The following PDS5A variants were observed in gnomAD, a reference collection of about 807,000 sequenced individuals.
PDS5A encodes the protein PDS5 cohesin associated factor A, also known as sister chromatid cohesion protein PDS5 homolog A.
In PDS5A, 42 loss-of-function variants were observed where a neutral mutation model predicts 167.1. That is an observed-to-expected ratio of 0.25 (90% CI 0.20 to 0.33). PDS5A has a LOEUF of 0.33. Ranked by LOEUF, PDS5A falls within the 10% of genes least tolerant of loss-of-function variation. The pLI, the probability that PDS5A is intolerant of heterozygous loss-of-function variation, is 1.00. For missense variants in PDS5A, 1,033 were observed against 1,605.9 expected (o/e 0.64, Z 6.10); for synonymous variants, 553 against 554.6 (o/e 1.00, Z 0.04).
At chr4:39,923,781 T>G (rs145553817) in intron 5 of PDS5A, among the ~76,000 whole-genome samples, 3 of 152,168 alleles carry the variant, frequency 2.0e-5, no homozygotes, top group Admixed American at 6.5e-5. Context: ...AGGCAGACAT[T>G]TTTTTCAACT....
At position 39,968,427 on chromosome 4, in the gene PDS5A, A is replaced by T. The variant is rs1730190602; in HGVS notation, c.138+8013T>A. 3.4e-5 allele frequency among the ~76,000 whole-genome samples: 5 copies of T among 148,684 alleles called. No individual in the cohort carries two copies. In the South Asian group the frequency reaches 8.5e-4, roughly 25 times the overall value. ...ATGGTGCTTAGATTACTTAATTATA[A>T]TATTAATTTTTTTTTTTTTTTTGAG... is the stretch of plus-strand genomic sequence containing the variant. On this transcript the variant is annotated intron_variant, in intron 2 of 32. Coordinates refer to ENST00000303538, the MANE Select transcript of PDS5A (RefSeq NM_001100399.2).
At chr4:39,947,136 G>A (rs918690577) in intron 2 of PDS5A, among the ~76,000 whole-genome samples, 1 of 151,946 alleles carries the variant, frequency 6.6e-6, no homozygotes, top group African/African-American at 2.4e-5. Flanking sequence ...CTATACACTT[G>A]GAATGAATAA....
At chr4:39,943,259 TTTCA>T (rs780891151) in intron 2 of PDS5A, among the ~76,000 whole-genome samples, 31 of 152,016 alleles carry the variant, frequency 2.0e-4, no homozygotes, top group Non-Finnish European at 3.7e-4. Flanking sequence ...TTTCTTTCAA[TTTCA>T]TTCAATTTCA....
At chr4:39,958,767 CCTGA>C (rs1304197149) in intron 2 of PDS5A, among the ~76,000 whole-genome samples, 1 of 151,888 alleles carries the variant, frequency 6.6e-6, no homozygotes, top group African/African-American at 2.4e-5. Context: ...CATCACCACC[CCTGA>C]CTAATTTTTG....
chr4:39,851,055 A>C (rs1035021713), intron 26 of PDS5A, among the ~76,000 whole-genome samples: 1 of 152,216 alleles, frequency 6.6e-6, no homozygotes, highest in Non-Finnish European at 1.5e-5. Flanking sequence ...GGTTGTTTCA[A>C]TAATATTTAT....
chr4:39,972,515 G>A (rs1413696076), intron 2 of PDS5A, among the ~76,000 whole-genome samples: 2 of 151,930 alleles, frequency 1.3e-5, no homozygotes, highest in Non-Finnish European at 2.9e-5. Context: ...GCGAGACTCC[G>A]TCTCAAAAAA....
At chr4:39,901,082 C>T (rs1048343860) in intron 13 of PDS5A, among the ~76,000 whole-genome samples, 3 of 152,082 alleles carry the variant, frequency 2.0e-5, no homozygotes, top group African/African-American at 7.2e-5. Flanking sequence ...CTCAGAAATC[C>T]CATCCATATT....
chr4:39,865,329 C>T (rs533815369), intron 23 of PDS5A, among the ~76,000 whole-genome samples: 1 of 152,104 alleles, frequency 6.6e-6, no homozygotes, highest in East Asian at 1.9e-4. Context: ...TAATTACCCC[C>T]AATTTAAAGC....
chr4:39,869,358 T>C (rs760456862), intron 22 of PDS5A, 36 bp downstream of exon 22: 25 of 1,232,664 alleles, frequency 2.0e-5, no homozygotes, highest in Non-Finnish European at 2.9e-5. Flanking sequence ...GTCCCTTTTT[T>C]AAACATGAAG....
In PDS5A at chr4:39,823,071, CTTG is replaced by C. The variant is rs554567330; in HGVS notation, c.*2411_*2413del. ...TATCAAAGGAGATACAAAATTCTGG[CTTG>C]TTGTTTTAGACAAATACAAGAAGCT... On this transcript the variant is annotated 3_prime_UTR_variant, in exon 33 of 33. Transcript: ENST00000303538. The C allele has an allele frequency of 8.2e-4, 125 of 152,714 alleles. 1 individual carries two copies. Among genetic ancestry groups the C allele is most frequent in the African/African-American group, 2.5e-3 (103 of 41,576 alleles). 9.5% of individuals were successfully genotyped at this position (152,714 alleles called of 1,614,324 possible). A position where few individuals can be genotyped will look rare whatever the true frequency, so the allele number is the denominator to read the frequency against.
intron 2 of PDS5A, among the ~76,000 whole-genome samples, chr4:39,948,307 CA>C (rs1163325331): frequency 7.5e-6 from 1 of 133,684 alleles, no homozygotes; most frequent in Non-Finnish European, 1.6e-5. Context: ...AAAGGTGAAT[CA>C]AACCTTTTTT....
Position 39,849,742 on chromosome 4 carries a change from A to T in PDS5A, c.3087-90T>A, listed in dbSNP as rs899900491. The T allele has an allele frequency of 8.7e-6, 6 of 688,276 alleles. No homozygotes were observed. In the African/African-American group the frequency reaches 8.9e-5, roughly 10 times the overall value. The allele number at this position is 688,276 out of a possible 1,614,324, so 42.6% of individuals were successfully genotyped here. ...GTTAGCTGGGAATTTCTGTTGTCTGAATAAAATAAAATAAAATGATCAACC... is the reference window on the plus strand; with the variant it reads ...GTTAGCTGGGAATTTCTGTTGTCTGTATAAAATAAAATAAAATGATCAACC... On this transcript the variant is annotated intron_variant, in intron 26 of 32. Transcript: ENST00000303538.
At chr4:39,905,168 GCTGA>G (rs906056431) in intron 11 of PDS5A, among the ~76,000 whole-genome samples, 22 of 152,236 alleles carry the variant, frequency 1.4e-4, no homozygotes, top group Admixed American at 2.6e-4. Context: ...AGTTGAGCTG[GCTGA>G]CTAACCAGTG....
intron 16 of PDS5A, 156 bp downstream of exon 16, chr4:39,898,233 T>G (rs770824738): frequency 7.7e-7 from 1 of 1,303,896 alleles, no homozygotes; most frequent in Non-Finnish European, 9.8e-7. Flanking sequence ...GAATGGTAAA[T>G]AGAGAATTAA....
At chr4:39,959,492 A>G (rs1729281541) in intron 2 of PDS5A, among the ~76,000 whole-genome samples, 1 of 152,064 alleles carries the variant, frequency 6.6e-6, no homozygotes, top group Admixed American at 6.6e-5. Context: ...CTGGGACTAC[A>G]GGTGCACACC....
chr4:39,873,952 A>G (rs371734052), intron 20 of PDS5A, among the ~76,000 whole-genome samples: 5 of 151,860 alleles, frequency 3.3e-5, no homozygotes, highest in African/African-American at 1.2e-4. Flanking sequence ...GCTGAGGCAG[A>G]AGGACTGCTT....
intron 20 of PDS5A, among the ~76,000 whole-genome samples, chr4:39,873,557 T>C (rs1384644043): frequency 2.0e-5 from 3 of 152,108 alleles, no homozygotes. Context: ...CTCCAATTTA[T>C]GATAATAGGA....
At chr4:39,958,884 T>C (rs1368303202) in intron 2 of PDS5A, among the ~76,000 whole-genome samples, 1 of 152,090 alleles carries the variant, frequency 6.6e-6, no homozygotes, top group Non-Finnish European at 1.5e-5. Context: ...GCCGGTATTA[T>C]AGGCATGAGC....
chr4:39,903,217 C>A (rs950874306), intron 12 of PDS5A, among the ~76,000 whole-genome samples: 9 of 152,156 alleles, frequency 5.9e-5, no homozygotes, highest in Non-Finnish European at 1.0e-4. Flanking sequence ...AACAGGGGGA[C>A]CCCCCTTCAT....
Sources: gnomAD v4.1 joint callset for allele counts (sites outside exome capture counted in the v4.1 genomes callset) on GRCh38, gnomAD v4.1.1 for gene constraint, MANE v1.5 for transcripts, NCBI Gene and HGNC (gene_info 2026-07-23, HGNC 2026-07-21) for gene names.